Variants in SEMA5A observed in about 807,000 individuals in gnomAD.
The protein encoded by SEMA5A is semaphorin-5A.
SEMA5A carries 55 observed loss-of-function variants against 135.5 expected under a neutral mutation model. The observed-to-expected ratio is 0.41, with a 90% CI of 0.33 to 0.51. The LOEUF (loss-of-function observed/expected upper bound fraction) is 0.51. Among genes scored for constraint, SEMA5A ranks in the 20% least tolerant of loss-of-function variants. The pLI, the probability that SEMA5A is intolerant of heterozygous loss-of-function variation, is 0.37. For missense variants in SEMA5A, 1,290 were observed against 1,419.9 expected (o/e 0.91, Z 1.47); for synonymous variants, 580 against 546.5 (o/e 1.06, Z -0.85).
At chr5:9,502,052 T>C (rs983302098) in intron 1 of SEMA5A, among the ~76,000 whole-genome samples, 35 of 152,194 alleles carry the variant, frequency 2.3e-4, no homozygotes, top group African/African-American at 8.4e-4. Flanking sequence ...GAAACCTAAA[T>C]GGACAAATAT....
chr5:9,299,011 A>G (rs948349762), intron 5 of SEMA5A, among the ~76,000 whole-genome samples: 3 of 152,208 alleles, frequency 2.0e-5, no homozygotes, highest in Non-Finnish European at 4.4e-5. Context: ...TCATTTGGAC[A>G]GGCTTGATAA....
intron 6 of SEMA5A, among the ~76,000 whole-genome samples, chr5:9,230,006 AC>A: frequency 6.6e-6 from 1 of 152,164 alleles, no homozygotes; most frequent in Non-Finnish European, 1.5e-5. Flanking sequence ...GTTTTTTGAG[AC>A]AAGGGTTCAC....
At chr5:9,282,740 T>A (rs1392951402) in intron 5 of SEMA5A, among the ~76,000 whole-genome samples, 1 of 152,114 alleles carries the variant, frequency 6.6e-6, no homozygotes, top group Non-Finnish European at 1.5e-5. Flanking sequence ...CGTAATTCCA[T>A]CTTCTCACAT....
chr5:9,489,626 AT>A (rs1448957606), intron 1 of SEMA5A, among the ~76,000 whole-genome samples: 1 of 152,236 alleles, frequency 6.6e-6, no homozygotes, highest in Non-Finnish European at 1.5e-5. Context: ...AATGATTCAA[AT>A]AGAATATTTT....
chr5:9,123,294 A>AAAAAAAT (rs1740924968), intron 13 of SEMA5A, among the ~76,000 whole-genome samples: 6 of 142,628 alleles, frequency 4.2e-5, no homozygotes, highest in Non-Finnish European at 9.0e-5. Flanking sequence ...AAAAAAAAAA[A>AAAAAAAT]GATTGCATAA....
At chr5:9,437,558 T>C (rs1487352849) in intron 2 of SEMA5A, among the ~76,000 whole-genome samples, 198 bp downstream of exon 2, 1 of 152,078 alleles carries the variant, frequency 6.6e-6, no homozygotes, top group Non-Finnish European at 1.5e-5. Flanking sequence ...AATTTCACCA[T>C]GTTGGCCAGG....
At chr5:9,272,282 G>A (rs762556471) in intron 5 of SEMA5A, among the ~76,000 whole-genome samples, 39 of 152,176 alleles carry the variant, frequency 2.6e-4, no homozygotes, top group Admixed American at 5.9e-4. Context: ...GCCCACCACC[G>A]CAGCTCAGCA....
chr5:9,334,093 C>T (rs545946157), intron 4 of SEMA5A, among the ~76,000 whole-genome samples: 15 of 152,224 alleles, frequency 9.9e-5, no homozygotes, highest in Admixed American at 7.2e-4. Context: ...TGCAGCCTAA[C>T]GAACTTCCTT....
At chr5:9,208,501 G>C (rs918471717) in intron 8 of SEMA5A, among the ~76,000 whole-genome samples, 5 of 152,210 alleles carry the variant, frequency 3.3e-5, no homozygotes, top group Admixed American at 2.0e-4. Flanking sequence ...GAGGACAAGG[G>C]TATGGAGGGC....
At chr5:9,142,348 C>G (rs1260512607) in intron 12 of SEMA5A, among the ~76,000 whole-genome samples, 1 of 152,080 alleles carries the variant, frequency 6.6e-6, no homozygotes, top group Non-Finnish European at 1.5e-5. Context: ...GGGGAGAGAA[C>G]TTGGAGAGTT....
chr5:9,133,942 G>A (rs781726423), intron 13 of SEMA5A, among the ~76,000 whole-genome samples: 3 of 151,854 alleles, frequency 2.0e-5, no homozygotes, highest in Non-Finnish European at 4.4e-5. Flanking sequence ...TCATGGGGGT[G>A]GTTTCTCCCA....
intron 5 of SEMA5A, among the ~76,000 whole-genome samples, chr5:9,244,022 C>G (rs1432098990): frequency 6.6e-6 from 1 of 152,156 alleles, no homozygotes; most frequent in Non-Finnish European, 1.5e-5. Context: ...GTATTCATGT[C>G]TAAAGCCTCT....
chr5:9,110,870 CTGGACATTCCT>C (rs1740202231), intron 15 of SEMA5A, among the ~76,000 whole-genome samples: 1 of 152,084 alleles, frequency 6.6e-6, no homozygotes, highest in Non-Finnish European at 1.5e-5. Context: ...CTCAGGGCCA[CTGGACATTCCT>C]ACACGTAGTA....
At chr5:9,310,382 TGAAA>T (rs1278640790) in intron 5 of SEMA5A, among the ~76,000 whole-genome samples, 24 of 152,162 alleles carry the variant, frequency 1.6e-4, no homozygotes, top group South Asian at 2.1e-4. Flanking sequence ...TGTTAACTCC[TGAAA>T]GATTTTAATA....
chr5:9,156,218 T>C (rs559375698), intron 11 of SEMA5A, among the ~76,000 whole-genome samples: 1 of 152,378 alleles, frequency 6.6e-6, no homozygotes, highest in East Asian at 1.9e-4. Context: ...GTCTTAATTC[T>C]ATAATTCAAA....
intron 1 of SEMA5A, among the ~76,000 whole-genome samples, chr5:9,439,003 C>T (rs368902702): frequency 1.6e-4 from 25 of 152,312 alleles, no homozygotes; most frequent in African/African-American, 4.6e-4. Flanking sequence ...TCCTCCAGGA[C>T]GGGCCTTTGG....
chr5:9,266,665 T>C (rs1394876059), intron 5 of SEMA5A, among the ~76,000 whole-genome samples: 1 of 152,220 alleles, frequency 6.6e-6, no homozygotes, highest in Non-Finnish European at 1.5e-5. Flanking sequence ...TATTCTCTTT[T>C]GATGGGACAA....
At chr5:9,182,574 T>C (rs1470250584) in intron 11 of SEMA5A, among the ~76,000 whole-genome samples, 2 of 152,080 alleles carry the variant, frequency 1.3e-5, no homozygotes, top group Non-Finnish European at 2.9e-5. Flanking sequence ...TAAGAACCAA[T>C]GTTTGCTTCA....
At chr5:9,502,085 G>A (rs1735627193) in intron 1 of SEMA5A, among the ~76,000 whole-genome samples, 1 of 152,058 alleles carries the variant, frequency 6.6e-6, no homozygotes, top group South Asian at 2.1e-4. Context: ...ATTCTGAATT[G>A]GCTCTTACTC....
Sources: gnomAD v4.1 joint callset for allele counts (sites outside exome capture counted in the v4.1 genomes callset) on GRCh38, gnomAD v4.1.1 for gene constraint, MANE v1.5 for transcripts, NCBI Gene and HGNC (gene_info 2026-07-23, HGNC 2026-07-21) for gene names.